Variants in ARMC9 observed in about 807,000 individuals in gnomAD.
The protein encoded by ARMC9 is armadillo repeat containing 9.
A neutral mutation model predicts 107.0 loss-of-function variants in ARMC9; 94 were observed. That is an observed-to-expected ratio of 0.88 (90% CI 0.74 to 1.04). ARMC9 has a LOEUF of 1.04. ARMC9 is among the 50% of genes least tolerant of loss of function. The pLI is 0.00. For synonymous variants in ARMC9, 380 were observed against 396.9 expected (o/e 0.96, Z 0.51); for missense variants, 942 against 1,030.1 (o/e 0.91, Z 1.17).
chr2:231,346,617 A>G (rs934567128), intron 21 of ARMC9, among the ~76,000 whole-genome samples: 6 of 152,246 alleles, frequency 3.9e-5, no homozygotes, highest in African/African-American at 1.4e-4. Flanking sequence ...TGTATGATAC[A>G]TAATTTACAT....
At chr2:231,225,177 T>G (rs2125338361) in intron 6 of ARMC9, among the ~76,000 whole-genome samples, 1 of 152,264 alleles carries the variant, frequency 6.6e-6, no homozygotes, top group Middle Eastern at 3.4e-3. Flanking sequence ...GTAATAAAGG[T>G]AGGTACATGT....
intron 19 of ARMC9, among the ~76,000 whole-genome samples, chr2:231,306,098 G>T (rs1267005868): frequency 6.6e-6 from 1 of 152,166 alleles, no homozygotes; most frequent in African/African-American, 2.4e-5. Flanking sequence ...GGGAAAGACA[G>T]CTTTCATCAT....
intron 21 of ARMC9, among the ~76,000 whole-genome samples, chr2:231,354,610 G>A (rs1051336389): frequency 6.6e-6 from 1 of 152,206 alleles, no homozygotes; most frequent in African/African-American, 2.4e-5. Context: ...TCAAACTCCT[G>A]ACCTCAAGTG....
At chr2:231,213,459 G>T (rs576073395) in intron 3 of ARMC9, among the ~76,000 whole-genome samples, 2 of 148,870 alleles carry the variant, frequency 1.3e-5, no homozygotes, top group South Asian at 4.3e-4. Context: ...ACCACGCCCG[G>T]CCATGTAAAC....
At chr2:231,329,257 T>G (rs1027808784) in intron 19 of ARMC9, among the ~76,000 whole-genome samples, 1 of 152,224 alleles carries the variant, frequency 6.6e-6, no homozygotes, top group Non-Finnish European at 1.5e-5. Context: ...ATGTTGAGTC[T>G]TCTTGATTCA....
At chr2:231,312,838 A>G (rs756447649) in intron 19 of ARMC9, among the ~76,000 whole-genome samples, 8 of 152,150 alleles carry the variant, frequency 5.3e-5, no homozygotes, top group Non-Finnish European at 1.0e-4. Context: ...TAATCTGTAT[A>G]TTATCCTGAA....
At chr2:231,328,814 C>CTTTTTTTTTTTTTTTTTTTTTTTT (rs1341987081) in intron 19 of ARMC9, among the ~76,000 whole-genome samples, 1,552 of 126,952 alleles carry the variant, frequency 0.012, 243 homozygotes, top group Non-Finnish European at 0.017. Context: ...CTTTTCTTTT[C>CTTTTTTTTTTTTTTTTTTTTTTTT]TTTTCTTTTT....
At chr2:231,254,443 GGT>G (rs2037573318) in intron 9 of ARMC9, among the ~76,000 whole-genome samples, 1 of 152,070 alleles carries the variant, frequency 6.6e-6, no homozygotes, top group Non-Finnish European at 1.5e-5. Context: ...TTCAGTGCGG[GGT>G]GTCTGGCAAT....
intron 10 of ARMC9, among the ~76,000 whole-genome samples, chr2:231,258,338 T>C (rs2038027639): frequency 6.6e-6 from 1 of 152,096 alleles, no homozygotes; most frequent in South Asian, 2.1e-4. Context: ...CGTGTCACTA[T>C]GCCCGGCTAA....
Position 231,362,072 on chromosome 2 carries a change from A to C in ARMC9, c.2261+1189A>C, listed in dbSNP as rs2045610246. On this transcript the variant is annotated intron_variant, in intron 23 of 24. Coordinates refer to ENST00000611582, the MANE Select transcript of ARMC9 (RefSeq NM_001352754.2). This position sits in a 1 kb window ranked among gnomAD's most constrained non-coding sequence, Gnocchi z 4.7. ...GCTATCTTTAAGAAGCACGGGGTCA[A>C]AGGTGGCTGCATTACTGGGGGAGGG... Among the ~76,000 whole-genome samples, 1 of 152,160 alleles carries C rather than the reference A, an allele frequency of 6.6e-6. No individual in the cohort carries two copies. Among genetic ancestry groups the C allele is most frequent in the South Asian group, 2.1e-4 (1 of 4,824 alleles).
At chr2:231,356,763 A>C (rs547906311) in intron 22 of ARMC9, among the ~76,000 whole-genome samples, 135 of 152,344 alleles carry the variant, frequency 8.9e-4, no homozygotes, top group Non-Finnish European at 1.7e-3. Context: ...CATGTGCTTT[A>C]CTAAAGCTGT....
intron 19 of ARMC9, among the ~76,000 whole-genome samples, chr2:231,308,537 A>G (rs1366897926): frequency 1.3e-5 from 2 of 152,138 alleles, no homozygotes; most frequent in Non-Finnish European, 2.9e-5. Flanking sequence ...CTTGGACCCT[A>G]GGTAGCTGGG....
intron 7 of ARMC9, among the ~76,000 whole-genome samples, chr2:231,231,660 A>G (rs2035231786): frequency 6.6e-6 from 1 of 151,296 alleles, no homozygotes; most frequent in African/African-American, 2.4e-5. Context: ...CTGGGATTAT[A>G]GATGTGAGCC....
intron 9 of ARMC9, among the ~76,000 whole-genome samples, chr2:231,252,091 AG>A (rs1305213001): frequency 1.3e-5 from 2 of 152,212 alleles, no homozygotes; most frequent in Non-Finnish European, 2.9e-5. Context: ...GTTTCTTCAC[AG>A]GGCAAATAGA....
chr2:231,346,739 G>A (rs1022475694), intron 21 of ARMC9, among the ~76,000 whole-genome samples: 1 of 152,146 alleles, frequency 6.6e-6, no homozygotes, highest in African/African-American at 2.4e-5. Flanking sequence ...TAGTATTATA[G>A]TATTCCTTAA....
intron 14 of ARMC9, 25 bp from the exon 15 acceptor site, chr2:231,276,611 T>G (rs1253307245): frequency 6.2e-7 from 1 of 1,613,734 alleles, no homozygotes; most frequent in South Asian, 1.1e-5. Flanking sequence ...GCAGTTTGTA[T>G]TTACCGTAGG....
chr2:231,221,830 C>CCAAA (rs762857854), intron 5 of ARMC9, among the ~76,000 whole-genome samples: 1 of 74,090 alleles, frequency 1.3e-5, no homozygotes, highest in African/African-American at 5.3e-5. Context: ...GACTCTGTCT[C>CCAAA]AAAAAAAAAA....
At chr2:231,210,339 G>T (rs1424765966) in intron 3 of ARMC9, among the ~76,000 whole-genome samples, 4 of 152,214 alleles carry the variant, frequency 2.6e-5, no homozygotes, top group Non-Finnish European at 5.9e-5. Flanking sequence ...GAACATAAAA[G>T]AATATAGTCA....
intron 17 of ARMC9, among the ~76,000 whole-genome samples, chr2:231,283,246 G>C (rs1252948515): frequency 6.6e-6 from 1 of 152,148 alleles, no homozygotes; most frequent in African/African-American, 2.4e-5. Context: ...GTTCCAGAAG[G>C]AGACGAATGT....
Sources: gnomAD v4.1 joint callset for allele counts (sites outside exome capture counted in the v4.1 genomes callset) on GRCh38, gnomAD v4.1.1 for gene constraint, Gnocchi (gnomAD v3.1) non-coding constraint, MANE v1.5 for transcripts, NCBI Gene and HGNC (gene_info 2026-07-23, HGNC 2026-07-21) for gene names.